The following ERFL variants were observed in gnomAD, a reference collection of about 807,000 sequenced individuals.
ERFL encodes ETS repressor factor like.
A neutral mutation model predicts 27.9 loss-of-function variants in ERFL; 8 were observed. That is an observed-to-expected ratio of 0.29 (90% CI 0.17 to 0.52). ERFL has a LOEUF of 0.52. Among genes scored for constraint, ERFL ranks in the 20% least tolerant of loss-of-function variants. ERFL has a pLI of 0.97. For synonymous variants in ERFL, 174 were observed against 202.8 expected (o/e 0.86, Z 1.21); for missense variants, 294 against 444.4 (o/e 0.66, Z 3.04).
intron 1 of ERFL, among the ~76,000 whole-genome samples, chr19:41,918,994 C>T (rs1002880753): frequency 6.6e-6 from 1 of 150,990 alleles, no homozygotes; most frequent in African/African-American, 2.4e-5. Flanking sequence ...ACCGCATATA[C>T]ACCACACACA....
intron 2 of ERFL, 110 bp downstream of exon 2, chr19:41,912,743 G>A: frequency 2.5e-6 from 1 of 401,350 alleles, no homozygotes; most frequent in Non-Finnish European, 4.3e-6. Flanking sequence ...GAGAGAGAAG[G>A]ACCCACGGAC....
rs1331189656 is a variant in ERFL, at chr19:41,918,322, TAC to T, written c.-13-5392_-13-5391del. Among the ~76,000 whole-genome samples the T allele has an allele frequency of 2.1e-5, 3 of 145,596 alleles. No individual in the cohort carries two copies. The East Asian group carries it at 6.2e-4, about 30-fold the overall frequency. On this transcript the variant is annotated intron_variant, in intron 1 of 5. Coordinates refer to ENST00000597630, the MANE Select transcript of ERFL (RefSeq NM_001365103.2). The stretch of plus-strand genomic sequence containing the variant: ...GACACACCTAGCCCCACACACCACA[TAC>T]ACACACACGGTACACACCACATACA...
rs2074736259 is a variant in ERFL at position 41,908,956 on chromosome 19, G to C, written c.616+104C>G. 2 of 710,456 alleles carry C rather than the reference G, an allele frequency of 2.8e-6. No individual in the cohort carries two copies. Among genetic ancestry groups the C allele is most frequent in the East Asian group, 6.8e-5 (2 of 29,406 alleles). 44.0% of individuals were successfully genotyped at this position (710,456 alleles called of 1,614,324 possible). On this transcript the variant is annotated intron_variant, in intron 5 of 5. Coordinates refer to ENST00000597630, the MANE Select transcript of ERFL (RefSeq NM_001365103.2). This position sits in a 1 kb window ranked among gnomAD's most constrained non-coding sequence, Gnocchi z 6.7. ...ACACACACCCTACAACCTGGCCCTG[G>C]GCCCCCTTCCCCATCTCTTCTCTTG...
chr19:41,911,459 G>A (rs890516928), intron 2 of ERFL, among the ~76,000 whole-genome samples: 12 of 152,160 alleles, frequency 7.9e-5, no homozygotes, highest in African/African-American at 2.7e-4. Flanking sequence ...GTGTGATTAC[G>A]GGCAGGTCCT....
At chr19:41,926,069 T>C (rs1324618204) in intron 1 of ERFL, among the ~76,000 whole-genome samples, 1 of 151,780 alleles carries the variant, frequency 6.6e-6, no homozygotes, top group Non-Finnish European at 1.5e-5. Context: ...ACAGGTGAGT[T>C]TGCAGCTTTA....
At chr19:41,913,809 A>C in intron 1 of ERFL, among the ~76,000 whole-genome samples, 1 of 102,206 alleles carries the variant, frequency 9.8e-6, no homozygotes, top group Non-Finnish European at 2.0e-5. Context: ...CTCCACACAC[A>C]CACCCTTGCA....
intron 1 of ERFL, among the ~76,000 whole-genome samples, chr19:41,918,105 G>A (rs1247096986): frequency 6.6e-6 from 1 of 151,868 alleles, no homozygotes; most frequent in Non-Finnish European, 1.5e-5. Context: ...CATCCCGGAC[G>A]CCACCCCCAT....
chr19:41,922,874 C>T (rs537022917), intron 1 of ERFL, among the ~76,000 whole-genome samples: 2 of 152,210 alleles, frequency 1.3e-5, no homozygotes, highest in African/African-American at 4.8e-5. Context: ...CGATCCCTGT[C>T]CCCAGCCCCA....
intron 1 of ERFL, among the ~76,000 whole-genome samples, chr19:41,925,925 G>A (rs1443744121): frequency 6.6e-6 from 1 of 152,028 alleles, no homozygotes; most frequent in East Asian, 1.9e-4. Flanking sequence ...CCTTACCTGA[G>A]GGGACAGGTT....
At position 41,910,701 on chromosome 19, in the gene ERFL, A is replaced by G. The variant is rs2074746762; in HGVS notation, c.68-604T>C. Among the ~76,000 whole-genome samples the G allele has an allele frequency of 6.6e-6, 1 of 152,154 alleles. No homozygotes were observed. Among genetic ancestry groups the G allele is most frequent in the Admixed American group, 6.5e-5 (1 of 15,284 alleles). ...CCATATCCATGCCCATGTCCGTCCA[A>G]GAGCAGTCCAGAACGATGTGTGTGT... On this transcript the variant is annotated intron_variant, in intron 2 of 5. Transcript: ENST00000597630. This position sits in a 1 kb window ranked among gnomAD's most constrained non-coding sequence, Gnocchi z 4.4.
Position 41,909,215 on chromosome 19 carries a change from G to A in ERFL, c.499-38C>T, listed in dbSNP as rs2145880245. 1 of 1,230,722 alleles carries A rather than the reference G, an allele frequency of 8.1e-7. No homozygotes were observed. The highest frequency in any genetic ancestry group is 1.0e-6 in the Non-Finnish European group (1 of 987,134). 76.2% of individuals were successfully genotyped at this position (1,230,722 alleles called of 1,614,324 possible). ...TGGGAGAAGCCGCCCTTCTCAGACT[G>A]TCCCCTCCCCAGAGTGGGCACCAAG... On this transcript the variant is annotated intron_variant, in intron 4 of 5. Transcript: ENST00000597630. This position sits in a 1 kb window ranked among gnomAD's most constrained non-coding sequence, Gnocchi z 5.2.
chr19:41,927,970 G>GCCCGCCCCCTCCTGGGGCGGGAATC (rs1324572848), intron 1 of ERFL, 70 bp downstream of exon 1: 1 of 150,608 alleles, frequency 6.6e-6, no homozygotes, highest in African/African-American at 2.4e-5. Flanking sequence ...CCACCCCCGC[G>GCCCGCCCCCTCCTGGGGCGGGAATC]CCCGCCCCCT....
At chr19:41,923,052 T>C (rs542819364) in intron 1 of ERFL, 16 of 428,062 alleles carry the variant, frequency 3.7e-5, no homozygotes, top group African/African-American at 2.6e-4. Flanking sequence ...CAGAGGGAAG[T>C]TCAGCGCCCC....
intron 2 of ERFL, 22 bp downstream of exon 2, chr19:41,912,831 G>C (rs1181834408): frequency 9.6e-7 from 1 of 1,043,508 alleles, no homozygotes; most frequent in Non-Finnish European, 1.2e-6. Flanking sequence ...GGGAAGGGGT[G>C]GGGGAGGTCC....
intron 2 of ERFL, among the ~76,000 whole-genome samples, chr19:41,911,937 C>T (rs1282096926): frequency 5.9e-5 from 9 of 152,062 alleles, no homozygotes; most frequent in African/African-American, 1.4e-4. Flanking sequence ...CGCTGAAAAC[C>T]AGACACAGCC....
chr19:41,920,865 G>T (rs560124438), intron 1 of ERFL, among the ~76,000 whole-genome samples: 1 of 152,344 alleles, frequency 6.6e-6, no homozygotes, highest in African/African-American at 2.4e-5. Flanking sequence ...GAGACAGAGA[G>T]GCCTGTGGGT....
rs1555850850 is a variant in ERFL at position 41,908,153 on chromosome 19, T to G, written c.*75A>C. 2 of 1,167,118 alleles carry G rather than the reference T, an allele frequency of 1.7e-6. No individual in the cohort carries two copies. 72.3% of individuals were successfully genotyped at this position (1,167,118 alleles called of 1,614,324 possible). ...AGGTGCTGAGGGCTGGTCCTGGGCC[T>G]TGGGCCAGGCATCAAGGGCAGACGG... is the stretch of plus-strand genomic sequence containing the variant. On this transcript the variant is annotated 3_prime_UTR_variant, in exon 6 of 6. Coordinates refer to ENST00000597630, the MANE Select transcript of ERFL (RefSeq NM_001365103.2). This position sits in a 1 kb window ranked among gnomAD's most constrained non-coding sequence, Gnocchi z 6.7.
chr19:41,909,997 C>T lies in ERFL; in HGVS notation c.168G>A (p.Glu56=). Residue 56 remains glutamate, a synonymous_variant, in exon 3 of 6, where the codon GAG becomes GAA. Coordinates refer to ENST00000597630, the MANE Select transcript of ERFL (RefSeq NM_001365103.2). The surrounding 1 kb of genome is among the most constrained non-coding windows in gnomAD (Gnocchi z 5.2). ...CCTGCCAGGCTATGACGCCCTGGTA[C>T]TCCTCCTTCTGCAGCAGCTCCAGGA... ...HFILELLQKE[E]YQGVIAWQGD... is the part of the protein sequence containing the mutation. 1.2e-6 allele frequency: 2 copies of T among 1,613,792 alleles called. No individual in the cohort carries two copies. Among genetic ancestry groups the T allele is most frequent in the Non-Finnish European group, 1.7e-6 (2 of 1,179,976 alleles).
At chr19:41,925,524 A>C (rs2074866454) in intron 1 of ERFL, among the ~76,000 whole-genome samples, 1 of 152,144 alleles carries the variant, frequency 6.6e-6, no homozygotes, top group Admixed American at 6.5e-5. Context: ...CAGGTGAGCA[A>C]GTGTACAAGG....
Sources: gnomAD v4.1 joint callset for allele counts (sites outside exome capture counted in the v4.1 genomes callset) on GRCh38, gnomAD v4.1.1 for gene constraint, Gnocchi (gnomAD v3.1) non-coding constraint, MANE v1.5 for transcripts, NCBI Gene and HGNC (gene_info 2026-07-23, HGNC 2026-07-21) for gene names.